TRIM24: variants seen among roughly 807,000 people sequenced by gnomAD.
The protein encoded by TRIM24 is transcription intermediary factor 1-alpha.
A neutral mutation model predicts 123.9 loss-of-function variants in TRIM24; 29 were observed. The observed-to-expected ratio is 0.23, with a 90% CI of 0.17 to 0.32. TRIM24 has a LOEUF of 0.32. TRIM24 is among the 10% of genes least tolerant of loss of function. TRIM24 has a pLI of 1.00. For synonymous variants in TRIM24, 456 were observed against 461.1 expected, an observed-to-expected ratio of 0.99 and a Z score of 0.14; for missense variants, 932 against 1,295.3, an observed-to-expected ratio of 0.72 and a Z score of 4.31.
chr7:138,483,105 G>A (rs529601275), intron 1 of TRIM24, among the ~76,000 whole-genome samples: 9 of 140,646 alleles, frequency 6.4e-5, no homozygotes, highest in South Asian at 5.0e-4. Context: ...TTTTTGTAGC[G>A]GGGGGGGTCT....
chr7:138,584,286 T>G (rs1260404990), intron 18 of TRIM24, among the ~76,000 whole-genome samples: 2 of 152,228 alleles, frequency 1.3e-5, no homozygotes, highest in African/African-American at 2.4e-5. Context: ...TTTCTTATTT[T>G]TATGTTGATC....
chr7:138,469,632 C>T (rs1795227564), intron 1 of TRIM24, among the ~76,000 whole-genome samples: 1 of 152,086 alleles, frequency 6.6e-6, no homozygotes, highest in Non-Finnish European at 1.5e-5. Context: ...TGAATACACA[C>T]TTAGACCAGT....
At chr7:138,516,860 G>A (rs1215640473) in intron 3 of TRIM24, among the ~76,000 whole-genome samples, 2 of 144,564 alleles carry the variant, frequency 1.4e-5, no homozygotes, top group Non-Finnish European at 3.0e-5. Context: ...TGTAATCCCA[G>A]CACTTTGGGA....
intron 1 of TRIM24, among the ~76,000 whole-genome samples, chr7:138,475,500 A>T (rs950968363): frequency 6.6e-6 from 1 of 152,158 alleles, no homozygotes; most frequent in Non-Finnish European, 1.5e-5. Context: ...AACATAGCAA[A>T]ATCCAACTCT....
chr7:138,539,006 T>C (rs1192941799), intron 7 of TRIM24, among the ~76,000 whole-genome samples: 1 of 152,202 alleles, frequency 6.6e-6, no homozygotes, highest in Non-Finnish European at 1.5e-5. Context: ...ATTCCTTTTT[T>C]TGTTCTTTCC....
intron 2 of TRIM24, among the ~76,000 whole-genome samples, chr7:138,510,499 G>A (rs1796264503): frequency 6.6e-6 from 1 of 152,094 alleles, no homozygotes. Flanking sequence ...TTGGCTCACT[G>A]CAACCTCCAC....
chr7:138,492,846 CAT>C (rs1272503117), intron 1 of TRIM24, among the ~76,000 whole-genome samples: 1 of 152,108 alleles, frequency 6.6e-6, no homozygotes, highest in Admixed American at 6.6e-5. Flanking sequence ...TTAATTATTC[CAT>C]ATGTTTTTTG....
chr7:138,475,540 G>A (rs755123642), intron 1 of TRIM24, among the ~76,000 whole-genome samples: 25 of 152,084 alleles, frequency 1.6e-4, no homozygotes, highest in Non-Finnish European at 3.4e-4. Flanking sequence ...TTGCTGTTTT[G>A]AGTCTGAGTC....
In TRIM24 at chr7:138,554,864, G is replaced by A; in HGVS notation, c.1428G>A (p.Gln476=). The A allele has an allele frequency of 6.2e-7, 1 of 1,614,130 alleles. No individual in the cohort carries two copies. The highest frequency in any genetic ancestry group is 8.5e-7 in the Non-Finnish European group (1 of 1,180,002). The change falls in exon 9 of 19, where the codon CAG becomes CAA. Residue 476 remains glutamine (Q), a synonymous_variant. Coordinates refer to ENST00000343526, the MANE Select transcript of TRIM24 (RefSeq NM_015905.3). This position sits in a 1 kb window ranked among gnomAD's most constrained non-coding sequence, Gnocchi z 4.5. ...AQLRLQHMQQ[Q]VMAQRQQVQR... ...TACGGCTCCAGCATATGCAGCAACA[G>A]GTAATGGCTCAGAGGCAACAGGTGC...
intron 17 of TRIM24, among the ~76,000 whole-genome samples, chr7:138,582,450 G>A (rs1289262379): frequency 6.6e-6 from 1 of 151,790 alleles, no homozygotes; most frequent in Non-Finnish European, 1.5e-5. Flanking sequence ...GCTGAGGCAG[G>A]AGAGTGGCGT....
intron 3 of TRIM24, among the ~76,000 whole-genome samples, chr7:138,518,769 G>A (rs1451478244): frequency 6.6e-6 from 1 of 152,150 alleles, no homozygotes; most frequent in Non-Finnish European, 1.5e-5. Context: ...CTGAATAGCT[G>A]TGACTACAAG....
chr7:138,556,999 G>A (rs1322450821), intron 9 of TRIM24, among the ~76,000 whole-genome samples: 1 of 152,240 alleles, frequency 6.6e-6, no homozygotes, highest in Non-Finnish European at 1.5e-5. Flanking sequence ...GACAGATTTT[G>A]TAATCCTTAG....
At chr7:138,572,671 G>A (rs1797681739) in intron 11 of TRIM24, among the ~76,000 whole-genome samples, 1 of 152,192 alleles carries the variant, frequency 6.6e-6, no homozygotes, top group Non-Finnish European at 1.5e-5. Context: ...CCCTATGGCT[G>A]TAGGACTTAA....
At chr7:138,511,397 T>C (rs1218611993) in intron 2 of TRIM24, among the ~76,000 whole-genome samples, 1 of 151,474 alleles carries the variant, frequency 6.6e-6, no homozygotes, top group African/African-American at 2.4e-5. Flanking sequence ...GCCTCCCAGG[T>C]TCAAGCGATT....
chr7:138,517,243 A>G (rs553722477), intron 3 of TRIM24, among the ~76,000 whole-genome samples: 2 of 151,902 alleles, frequency 1.3e-5, no homozygotes, highest in East Asian at 3.9e-4. Context: ...TGAATTCTAT[A>G]TGTTTATATA....
chr7:138,491,996 G>A (rs1795796753), intron 1 of TRIM24, among the ~76,000 whole-genome samples: 1 of 150,938 alleles, frequency 6.6e-6, no homozygotes, highest in Non-Finnish European at 1.5e-5. Context: ...TAGGCACAGT[G>A]GCTGAACACT....
chr7:138,578,539 T>TGG (rs1797816699), intron 14 of TRIM24, among the ~76,000 whole-genome samples: 1 of 131,186 alleles, frequency 7.6e-6, no homozygotes, highest in Admixed American at 8.4e-5. Flanking sequence ...GTTTTGTGTG[T>TGG]GTGTGTGTGT....
intron 3 of TRIM24, 150 bp downstream of exon 3, chr7:138,515,509 C>A: frequency 2.0e-6 from 2 of 975,738 alleles, no homozygotes; most frequent in Non-Finnish European, 2.9e-6. Flanking sequence ...AATTTAAGTA[C>A]TTACAAATTT....
At chr7:138,490,767 C>T (rs563447935) in intron 1 of TRIM24, 3 of 496,468 alleles carry the variant, frequency 6.0e-6, no homozygotes, top group African/African-American at 4.0e-5. Context: ...AATAGATTGG[C>T]AAGCCTTTTC....
Sources: allele counts gnomAD v4.1 joint callset (sites outside exome capture counted in the v4.1 genomes callset), GRCh38; gene constraint gnomAD v4.1.1; non-coding constraint Gnocchi (gnomAD v3.1); transcripts MANE v1.5; gene names NCBI Gene and HGNC (gene_info 2026-07-23, HGNC 2026-07-21).